Variants in FHIT observed in about 807,000 individuals in gnomAD.
FHIT encodes the protein fragile histidine triad diadenosine triphosphatase.
Under a neutral mutation model 17.9 loss-of-function variants are expected in FHIT, and 19 were observed. The observed-to-expected ratio is 1.06, with a 90% confidence interval of 0.74 to 1.56. The LOEUF (loss-of-function observed/expected upper bound fraction) is 1.56, where lower values mean the gene tolerates loss of function less well. FHIT is among the 40% of genes most tolerant of loss of function. The probability of loss-of-function intolerance (pLI) is 0.00; values close to 1 mark genes in which losing one functional copy is unlikely to be tolerated. For synonymous variants in FHIT, 81 were observed against 69.7 expected, an observed-to-expected ratio of 1.16 and a Z score of -0.81; for missense variants, 248 against 189.2, an observed-to-expected ratio of 1.31 and a Z score of -1.82.
intron 5 of FHIT, among the ~76,000 whole-genome samples, chr3:60,179,019 A>G (rs1288427083): frequency 1.3e-5 from 2 of 152,194 alleles, no homozygotes; most frequent in Non-Finnish European, 2.9e-5. Context: ...TAATTACACT[A>G]TAAGACTCTT....
At chr3:60,491,416 G>C (rs71313777) in intron 5 of FHIT, among the ~76,000 whole-genome samples, 6,521 of 149,498 alleles carry the variant, frequency 0.044, 163 homozygotes, top group South Asian at 0.095. Flanking sequence ...TTGTAAACTG[G>C]GTGAAAAAAA....
At position 61,157,902 on chromosome 3, in the gene FHIT, G is replaced by A. The variant is rs1395297186; in HGVS notation, c.-164+42715C>T. Reference sequence around the variant, plus strand: ...AGTAGTTGGTTACCTCTTACGAAGAGGTAGAGATGGGATAAAAGGGGGCAC... The same window carrying A: ...AGTAGTTGGTTACCTCTTACGAAGAAGTAGAGATGGGATAAAAGGGGGCAC... On this transcript the variant is annotated intron_variant, in intron 2 of 9. Transcript: ENST00000492590. Among the ~76,000 whole-genome samples, 8 of 152,260 alleles carry A rather than the reference G, an allele frequency of 5.3e-5. No individual in the cohort carries two copies. In the South Asian group the frequency reaches 1.7e-3, roughly 32 times the overall value.
At chr3:60,979,593 A>G (rs73102220) in intron 3 of FHIT, among the ~76,000 whole-genome samples, 14,566 of 152,204 alleles carry the variant, frequency 0.096, 978 homozygotes, top group East Asian at 0.24. Flanking sequence ...TATAACTCCT[A>G]TGGATCATGC....
chr3:60,686,404 T>A (rs1195769114), intron 4 of FHIT, among the ~76,000 whole-genome samples: 1 of 152,152 alleles, frequency 6.6e-6, no homozygotes. Flanking sequence ...GAAAAGTAAT[T>A]GCAAAACCAC....
intron 5 of FHIT, among the ~76,000 whole-genome samples, chr3:60,154,759 G>A (rs1208679067): frequency 6.6e-6 from 1 of 152,098 alleles, no homozygotes; most frequent in Non-Finnish European, 1.5e-5. Flanking sequence ...CTCTGTGACA[G>A]TTTACTTATG....
chr3:60,966,800 C>A (rs1709765591), intron 3 of FHIT, among the ~76,000 whole-genome samples: 1 of 152,128 alleles, frequency 6.6e-6, no homozygotes, highest in Admixed American at 6.5e-5. Flanking sequence ...TGTGACAAAT[C>A]TGAGAGATAT....
intron 8 of FHIT, among the ~76,000 whole-genome samples, chr3:59,786,179 G>A (rs193235708): frequency 5.3e-5 from 8 of 152,290 alleles, no homozygotes; most frequent in African/African-American, 1.4e-4. Flanking sequence ...TAGATAATCC[G>A]TGCCAATAAA....
chr3:60,851,167 C>T (rs1703139144), intron 3 of FHIT, among the ~76,000 whole-genome samples: 1 of 152,130 alleles, frequency 6.6e-6, no homozygotes, highest in Non-Finnish European at 1.5e-5. Flanking sequence ...CCAAAGATAG[C>T]TGAGTGGCAT....
chr3:60,247,318 G>C (rs141346997), intron 5 of FHIT, among the ~76,000 whole-genome samples: 10 of 152,100 alleles, frequency 6.6e-5, no homozygotes, highest in African/African-American at 2.2e-4. Flanking sequence ...GTGCCCTGAA[G>C]TTTAAGGCCA....
At chr3:60,916,929 T>C (rs1553767248) in intron 3 of FHIT, among the ~76,000 whole-genome samples, 1 of 152,144 alleles carries the variant, frequency 6.6e-6, no homozygotes, top group African/African-American at 2.4e-5. Flanking sequence ...TCCCAAATAG[T>C]CATTTGGGGA....
intron 8 of FHIT, among the ~76,000 whole-genome samples, chr3:59,863,107 T>C (rs1351961260): frequency 6.6e-6 from 1 of 152,222 alleles, no homozygotes; most frequent in Admixed American, 6.5e-5. Context: ...ATACGGGCAG[T>C]ACACTGCAAC....
intron 5 of FHIT, among the ~76,000 whole-genome samples, chr3:60,426,728 C>T (rs1702682042): frequency 5.3e-5 from 8 of 152,084 alleles, no homozygotes; most frequent in Admixed American, 5.2e-4. Context: ...TCTGTCATTG[C>T]CATCAGAATT....
intron 8 of FHIT, among the ~76,000 whole-genome samples, chr3:59,901,469 A>G (rs1237260714): frequency 2.0e-5 from 3 of 152,218 alleles, no homozygotes; most frequent in African/African-American, 7.2e-5. Flanking sequence ...ACAGAATCTG[A>G]ATAGACATTC....
chr3:59,792,178 T>C (rs555664342), intron 8 of FHIT, among the ~76,000 whole-genome samples: 2 of 152,192 alleles, frequency 1.3e-5, no homozygotes, highest in Non-Finnish European at 2.9e-5. Context: ...GCTTTGTTTC[T>C]CCTTTGAACC....
intron 4 of FHIT, among the ~76,000 whole-genome samples, chr3:60,665,047 T>C (rs1008322346): frequency 2.0e-5 from 3 of 152,042 alleles, no homozygotes; most frequent in Non-Finnish European, 4.4e-5. Flanking sequence ...AGGTTATTGA[T>C]GTGAGGCCTT....
chr3:60,238,852 T>C (rs1321758541), intron 5 of FHIT, among the ~76,000 whole-genome samples: 1 of 152,172 alleles, frequency 6.6e-6, no homozygotes, highest in African/African-American at 2.4e-5. Flanking sequence ...AGATTCCCCA[T>C]GACTGAGCTT....
At chr3:60,958,083 C>A (rs370673995) in intron 3 of FHIT, among the ~76,000 whole-genome samples, 1 of 152,226 alleles carries the variant, frequency 6.6e-6, no homozygotes, top group Non-Finnish European at 1.5e-5. Flanking sequence ...AAAAGAACTA[C>A]ACATATCACT....
At chr3:60,503,304 G>GT (rs2034595378) in intron 5 of FHIT, among the ~76,000 whole-genome samples, 1 of 152,152 alleles carries the variant, frequency 6.6e-6, no homozygotes, top group South Asian at 2.1e-4. Flanking sequence ...GTAGCAAAAT[G>GT]TTTTTCCACT....
At chr3:59,855,819 C>G (rs540660773) in intron 8 of FHIT, among the ~76,000 whole-genome samples, 2 of 148,922 alleles carry the variant, frequency 1.3e-5, no homozygotes, top group Non-Finnish European at 3.0e-5. Flanking sequence ...CTTGCCCTGT[C>G]GCTCAGTCTG....
Sources: gnomAD v4.1 joint callset for allele counts (sites outside exome capture counted in the v4.1 genomes callset) on GRCh38, gnomAD v4.1.1 for gene constraint, MANE v1.5 for transcripts, NCBI Gene and HGNC (gene_info 2026-07-23, HGNC 2026-07-21) for gene names.